The following CALN1 variants were observed in gnomAD, a reference collection of about 807,000 sequenced individuals.
CALN1 encodes the protein calneuron 1, also known as calcium-binding protein 8.
A neutral mutation model predicts 30.6 loss-of-function variants in CALN1; 17 were observed. That is an observed-to-expected ratio of 0.56 (90% CI 0.38 to 0.83). The LOEUF (loss-of-function observed/expected upper bound fraction) is 0.83. Among genes scored for constraint, CALN1 ranks in the 40% least tolerant of loss-of-function variants. The probability of loss-of-function intolerance (pLI) is 0.00; values close to 1 mark genes in which losing one functional copy is unlikely to be tolerated. For synonymous variants in CALN1, 156 were observed against 131.4 expected, an observed-to-expected ratio of 1.19 and a Z score of -1.28; for missense variants, 291 against 354.9, an observed-to-expected ratio of 0.82 and a Z score of 1.45.
intron 3 of CALN1, among the ~76,000 whole-genome samples, chr7:72,208,483 G>A (rs979342838): frequency 6.6e-6 from 1 of 152,150 alleles, no homozygotes; most frequent in African/African-American, 2.4e-5. Flanking sequence ...GCAGTTGCAT[G>A]GATGATATTT....
chr7:72,119,592 C>A (rs1808236193), intron 3 of CALN1, among the ~76,000 whole-genome samples: 1 of 151,274 alleles, frequency 6.6e-6, no homozygotes, highest in African/African-American at 2.4e-5. Context: ...AAAGACATAC[C>A]CAAGACTGGG....
At chr7:72,458,132 A>ATATATATTTAATATATT in the CALN1 span, among the ~76,000 whole-genome samples, 1 of 116,304 alleles carries the variant, frequency 8.6e-6, no homozygotes, top group African/African-American at 3.1e-5. Flanking sequence ...GGTTTTATAA[A>ATATATATTTAATATATT]TATATATATA....
At position 72,242,403 on chromosome 7, in the gene CALN1, T is replaced by C. The variant is rs76345064; in HGVS notation, c.244+36283A>G. Among the ~76,000 whole-genome samples the C allele has an allele frequency of 2.6e-3, 403 of 152,340 alleles. 10 individuals carry two copies. In the East Asian group the frequency reaches 0.059, roughly 22 times the overall value. Reference sequence around the variant, plus strand: ...AACTTTATGTTTGGGTTTAAAAATCTTAAATTATTTTTAACCTTTGGGAGT... The same window carrying C: ...AACTTTATGTTTGGGTTTAAAAATCCTAAATTATTTTTAACCTTTGGGAGT... On this transcript the variant is annotated intron_variant, in intron 3 of 6. Coordinates refer to ENST00000395275, the MANE Select transcript of CALN1 (RefSeq NM_031468.4).
intron 3 of CALN1, among the ~76,000 whole-genome samples, chr7:72,266,710 G>T (rs1796620951): frequency 1.3e-5 from 2 of 152,120 alleles, no homozygotes; most frequent in Admixed American, 1.3e-4. Context: ...AGGTACTCGG[G>T]TTTCTTTCTT....
At position 72,393,758 on chromosome 7, in the gene CALN1, T is replaced by C. The variant is rs1304586686; in HGVS notation, c.119+9493A>G. Among the ~76,000 whole-genome samples the C allele has an allele frequency of 2.7e-3, 405 of 151,074 alleles. 2 individuals are homozygous for C. The highest frequency in any genetic ancestry group is 4.2e-3 in the Non-Finnish European group (284 of 67,732). On this transcript the variant is annotated intron_variant, in intron 2 of 6. Transcript: ENST00000395275. ...ACCATAGAGCTTTTTTTTTTTTTTT[T>C]TTCTATTTTGAGACAGAGTCTCGCT...
At chr7:71,871,516 T>A (rs1791925771) in intron 5 of CALN1, among the ~76,000 whole-genome samples, 1 of 152,054 alleles carries the variant, frequency 6.6e-6, no homozygotes, top group African/African-American at 2.4e-5. Flanking sequence ...GGAGGCTGAG[T>A]CAGGAGGATC....
rs1160538047 is a variant in CALN1, at chr7:71,784,212, C to G, written c.*3563G>C. ...CCAGGGCTTACAGGTAGCTCCTGCTCTCCTGAGTAAATAGAAGGACAAGTT... is the reference window on the plus strand; with the variant it reads ...CCAGGGCTTACAGGTAGCTCCTGCTGTCCTGAGTAAATAGAAGGACAAGTT... On this transcript the variant is annotated 3_prime_UTR_variant, in exon 7 of 7. Transcript: ENST00000395275. 1 of 152,170 alleles carries G rather than the reference C, an allele frequency of 6.6e-6. No homozygotes were observed. Among genetic ancestry groups the G allele is most frequent in the African/African-American group, 2.4e-5 (1 of 41,422 alleles). 9.4% of individuals were successfully genotyped at this position (152,170 alleles called of 1,614,324 possible).
chr7:72,455,183 T>A, the CALN1 span, among the ~76,000 whole-genome samples: 212 of 152,072 alleles, frequency 1.4e-3, 1 homozygote, highest in African/African-American at 4.7e-3. Context: ...GCACCTGTAG[T>A]CTCAGCTACT....
intron 2 of CALN1, among the ~76,000 whole-genome samples, chr7:72,376,618 T>A (rs939848096): frequency 6.6e-6 from 1 of 152,250 alleles, no homozygotes; most frequent in Non-Finnish European, 1.5e-5. Flanking sequence ...ACCATTATAA[T>A]GTACTTTACT....
At chr7:72,115,484 CTTTTTTTTTTTTTT>C (rs71069026) in intron 3 of CALN1, among the ~76,000 whole-genome samples, 1 of 80,600 alleles carries the variant, frequency 1.2e-5, no homozygotes, top group Non-Finnish European at 2.1e-5. Flanking sequence ...CATATACATT[CTTTTTTTTTTTTTT>C]TTTTTTTTTT....
At chr7:72,050,658 A>G (rs1234957750) in intron 4 of CALN1, among the ~76,000 whole-genome samples, 2 of 152,208 alleles carry the variant, frequency 1.3e-5, no homozygotes. Flanking sequence ...CAAATATGTA[A>G]GTATTAATCA....
At chr7:72,442,347 T>TA (rs1446173743) in intron 1 of CALN1, among the ~76,000 whole-genome samples, 1 of 152,234 alleles carries the variant, frequency 6.6e-6, no homozygotes, top group Non-Finnish European at 1.5e-5. Flanking sequence ...CCAAAGTTCT[T>TA]ACAACGCCTC....
At chr7:72,429,983 C>A (rs1807920845) in intron 1 of CALN1, among the ~76,000 whole-genome samples, 1 of 150,596 alleles carries the variant, frequency 6.6e-6, no homozygotes, top group Non-Finnish European at 1.5e-5. Context: ...CCATGCCCAG[C>A]TAATTCTTTG....
chr7:72,270,896 A>C (rs1416352672), intron 3 of CALN1, among the ~76,000 whole-genome samples: 1 of 152,246 alleles, frequency 6.6e-6, no homozygotes, highest in African/African-American at 2.4e-5. Flanking sequence ...GATGAAACCC[A>C]ATAAGATCAG....
At chr7:72,244,417 T>C (rs1488870483) in intron 3 of CALN1, among the ~76,000 whole-genome samples, 8 of 152,122 alleles carry the variant, frequency 5.3e-5, no homozygotes, top group African/African-American at 1.9e-4. Flanking sequence ...GTAAACAGGA[T>C]TGAAAAATAA....
At chr7:71,828,547 T>C (rs1034754991) in intron 5 of CALN1, among the ~76,000 whole-genome samples, 1 of 151,466 alleles carries the variant, frequency 6.6e-6, no homozygotes, top group Non-Finnish European at 1.5e-5. Flanking sequence ...GAAAGACTTA[T>C]CAGAAAAAAG....
chr7:71,961,213 T>G (rs1797232371), intron 5 of CALN1, among the ~76,000 whole-genome samples: 1 of 152,242 alleles, frequency 6.6e-6, no homozygotes, highest in Admixed American at 6.5e-5. Flanking sequence ...TCTGAAAGAT[T>G]ACTTCTCATT....
intron 5 of CALN1, among the ~76,000 whole-genome samples, chr7:71,855,872 T>C (rs1790917205): frequency 6.6e-6 from 1 of 152,222 alleles, no homozygotes; most frequent in Non-Finnish European, 1.5e-5. Context: ...TTAAGAGTCC[T>C]GACTACATGT....
At chr7:72,280,119 C>T (rs979738788) in intron 2 of CALN1, among the ~76,000 whole-genome samples, 1 of 152,100 alleles carries the variant, frequency 6.6e-6, no homozygotes, top group East Asian at 2.0e-4. Context: ...GGATGTCAAA[C>T]CCTCATTTCA....
Sources: gnomAD v4.1 joint callset for allele counts (sites outside exome capture counted in the v4.1 genomes callset) on GRCh38, gnomAD v4.1.1 for gene constraint, MANE v1.5 for transcripts, NCBI Gene and HGNC (gene_info 2026-07-23, HGNC 2026-07-21) for gene names.